The following SORCS1 variants were observed in gnomAD, a reference collection of about 807,000 sequenced individuals.
SORCS1 encodes the protein sortilin related VPS10 domain containing receptor 1.
SORCS1 carries 60 observed loss-of-function variants against 146.1 expected under a neutral mutation model. The ratio of observed to expected loss-of-function variants is 0.41; its 90% CI spans 0.33 to 0.51. The LOEUF is 0.51. Ranked by LOEUF, SORCS1 falls within the 20% of genes least tolerant of loss-of-function variation. The probability of loss-of-function intolerance (pLI) is 0.21; values close to 1 mark genes in which losing one functional copy is unlikely to be tolerated. For missense variants in SORCS1, 1,352 were observed against 1,487.6 expected, an observed-to-expected ratio of 0.91 and a Z score of 1.50; for synonymous variants, 637 against 584.0, an observed-to-expected ratio of 1.09 and a Z score of -1.31.
At chr10:106,832,549 CA>C (rs1948598181) in intron 2 of SORCS1, among the ~76,000 whole-genome samples, 2 of 152,054 alleles carry the variant, frequency 1.3e-5, no homozygotes, top group Admixed American at 6.6e-5. Context: ...CCTGAGTCAA[CA>C]TTCTCTTTCT....
chr10:107,100,513 C>CAAA (rs60616581), intron 1 of SORCS1, among the ~76,000 whole-genome samples: 2 of 139,352 alleles, frequency 1.4e-5, no homozygotes, highest in Non-Finnish European at 1.6e-5. Context: ...GACTCCGCCT[C>CAAA]AAAAAAAAAA....
intron 1 of SORCS1, among the ~76,000 whole-genome samples, chr10:107,152,155 A>T (rs1968859972): frequency 1.3e-5 from 2 of 152,316 alleles, no homozygotes; most frequent in South Asian, 4.1e-4. Context: ...AAGCCTTGGC[A>T]GCTTTCACAT....
intron 10 of SORCS1, among the ~76,000 whole-genome samples, chr10:106,684,148 A>G (rs767376860): frequency 5.3e-5 from 8 of 152,094 alleles, no homozygotes; most frequent in South Asian, 2.1e-4. Context: ...ATCCTGGCCA[A>G]CCAACATGGT....
At chr10:106,968,677 A>G (rs1056895228) in intron 1 of SORCS1, among the ~76,000 whole-genome samples, 2 of 152,250 alleles carry the variant, frequency 1.3e-5, no homozygotes, top group African/African-American at 2.4e-5. Flanking sequence ...TATGCATATT[A>G]CTGTGTTCCA....
At chr10:107,144,282 C>A (rs1419472150) in intron 1 of SORCS1, among the ~76,000 whole-genome samples, 1 of 152,208 alleles carries the variant, frequency 6.6e-6, no homozygotes, top group Non-Finnish European at 1.5e-5. Context: ...TCCCCTTAGA[C>A]TTTGAACTAC....
intron 3 of SORCS1, among the ~76,000 whole-genome samples, chr10:106,776,956 G>A (rs1221155314): frequency 1.3e-5 from 2 of 152,044 alleles, no homozygotes. Context: ...TCTCTTTTAG[G>A]GGACTCTTTG....
the SORCS1 span, among the ~76,000 whole-genome samples, chr10:107,170,993 A>G: frequency 1.3e-5 from 2 of 152,194 alleles, no homozygotes; most frequent in East Asian, 1.9e-4. Context: ...TGGAATCCCT[A>G]TTCCTTAATC....
At chr10:106,626,421 G>C (rs532641864) in intron 19 of SORCS1, among the ~76,000 whole-genome samples, 1 of 152,262 alleles carries the variant, frequency 6.6e-6, no homozygotes, top group East Asian at 1.9e-4. Context: ...ACCAAAATCT[G>C]GACCTAGTCA....
intron 1 of SORCS1, among the ~76,000 whole-genome samples, chr10:106,998,574 G>A (rs928349653): frequency 2.0e-5 from 3 of 152,172 alleles, no homozygotes; most frequent in Non-Finnish European, 2.9e-5. Flanking sequence ...ACAAAAATAA[G>A]CTGTATTAGA....
At chr10:107,172,497 C>T in the SORCS1 span, among the ~76,000 whole-genome samples, 1 of 152,200 alleles carries the variant, frequency 6.6e-6, no homozygotes, top group African/African-American at 2.4e-5. Context: ...TCTCTTGGCA[C>T]TCTATGCCTA....
chr10:106,979,555 C>G (rs1455711541), intron 1 of SORCS1, among the ~76,000 whole-genome samples: 1 of 151,448 alleles, frequency 6.6e-6, no homozygotes, highest in Non-Finnish European at 1.5e-5. Flanking sequence ...TTTTGCTTCT[C>G]TAAAAAAACA....
At position 106,776,781 on chromosome 10, in the gene SORCS1, G is replaced by A. The variant is rs1860467219; in HGVS notation, c.727-89C>T. The A allele has an allele frequency of 4.3e-5, 61 of 1,419,440 alleles. 1 individual carries two copies. The South Asian group carries it at 7.1e-4, about 16-fold the overall frequency. The allele number at this position is 1,419,440 out of a possible 1,614,324, so 87.9% of individuals were successfully genotyped here. ...TGAAAATTAGCTAATTTTTGACAAG[G>A]GAAGGACAGGGGCAGGCAAAGAATG... On this transcript the variant is annotated intron_variant, in intron 3 of 25. Coordinates refer to ENST00000263054, the MANE Select transcript of SORCS1 (RefSeq NM_052918.5).
chr10:106,831,958 A>G (rs907694468), intron 2 of SORCS1, among the ~76,000 whole-genome samples: 4 of 152,222 alleles, frequency 2.6e-5, no homozygotes, highest in Non-Finnish European at 4.4e-5. Context: ...TCTCTGCACT[A>G]CTATAATCAA....
upstream of SORCS1, among the ~76,000 whole-genome samples, chr10:107,166,080 A>G (rs970771739): frequency 3.9e-5 from 6 of 152,198 alleles, no homozygotes; most frequent in African/African-American, 1.4e-4. Context: ...TGCAGTCTTC[A>G]TATACGTAAT....
intron 18 of SORCS1, among the ~76,000 whole-genome samples, chr10:106,649,872 G>A (rs1250847967): frequency 6.6e-6 from 1 of 151,820 alleles, no homozygotes; most frequent in Non-Finnish European, 1.5e-5. Flanking sequence ...CTATTCATAT[G>A]GGTTCAATTT....
intron 2 of SORCS1, among the ~76,000 whole-genome samples, chr10:106,897,655 A>G (rs1951539828): frequency 1.3e-5 from 2 of 151,864 alleles, no homozygotes; most frequent in Non-Finnish European, 1.5e-5. Flanking sequence ...AAAAGCCATT[A>G]TTCCTTCCCA....
chr10:106,584,184 GAA>G (rs1350378861), intron 24 of SORCS1, among the ~76,000 whole-genome samples: 3 of 152,200 alleles, frequency 2.0e-5, no homozygotes, highest in African/African-American at 7.2e-5. Context: ...ATAGCACAGA[GAA>G]AGTTTATCCA....
intron 2 of SORCS1, among the ~76,000 whole-genome samples, chr10:106,856,010 C>T (rs1253792119): frequency 2.0e-5 from 3 of 148,810 alleles, no homozygotes; most frequent in East Asian, 2.0e-4. Flanking sequence ...TACGGGGAAG[C>T]GAAGAGGGAG....
At chr10:106,671,111 T>A (rs1851564343) in intron 16 of SORCS1, 126 bp downstream of exon 16, 2 of 1,296,508 alleles carry the variant, frequency 1.5e-6, no homozygotes, top group Non-Finnish European at 2.1e-6. Context: ...GAGGTAATTT[T>A]ATAAGAATAT....
Sources: gnomAD v4.1 joint callset for allele counts (sites outside exome capture counted in the v4.1 genomes callset) on GRCh38, gnomAD v4.1.1 for gene constraint, MANE v1.5 for transcripts, NCBI Gene and HGNC (gene_info 2026-07-23, HGNC 2026-07-21) for gene names.